The following RAB3IL1 variants were observed in gnomAD, a reference collection of about 807,000 sequenced individuals.
The protein encoded by RAB3IL1 is RAB3A interacting protein like 1.
Under a neutral mutation model 49.2 loss-of-function variants are expected in RAB3IL1, and 37 were observed. That is an observed-to-expected ratio of 0.75 (90% confidence interval 0.58 to 0.99). The LOEUF is 0.99. RAB3IL1 is among the 50% of genes least tolerant of loss of function. The probability of loss-of-function intolerance (pLI) is 0.00; values close to 1 mark genes in which losing one functional copy is unlikely to be tolerated. For synonymous variants in RAB3IL1, 193 were observed against 213.9 expected (o/e 0.90, Z 0.85); for missense variants, 484 against 513.0 (o/e 0.94, Z 0.55).
Position 61,907,614 on chromosome 11 carries a change from C to T in RAB3IL1, c.311G>A (p.Arg104Gln), listed in dbSNP as rs536709910. 114 of 1,614,116 alleles carry T rather than the reference C, an allele frequency of 7.1e-5. 2 individuals carry two copies. In the South Asian group the frequency reaches 1.0e-3, roughly 15 times the overall value. ...DEECERLSKV[R>Q]EQLEQELEEL... ...TTCCAGCTCCTGTTCTAGCTGCTCC[C>T]GCACCTTGGACAGCCGCTCACATTC... Residue 104 changes from arginine to glutamine, a missense_variant, in exon 3 of 10, where the codon CGG (arginine) becomes CAG (glutamine). Coordinates refer to ENST00000394836, the MANE Select transcript of RAB3IL1 (RefSeq NM_013401.4).
intron 1 of RAB3IL1, among the ~76,000 whole-genome samples, chr11:61,909,307 G>GCCTGTGTCCTCC (rs565673698): frequency 5.5e-4 from 84 of 152,254 alleles, no homozygotes; most frequent in African/African-American, 2.0e-3. Flanking sequence ...ACTCAGGACG[G>GCCTGTGTCCTCC]CTGAGGCAGA....
upstream of RAB3IL1, among the ~76,000 whole-genome samples, chr11:61,922,519 T>A (rs1939930799): frequency 6.6e-6 from 1 of 151,512 alleles, no homozygotes; most frequent in South Asian, 2.1e-4. Context: ...CCAAACTCCG[T>A]CTTGGAAAAA....
upstream of RAB3IL1, among the ~76,000 whole-genome samples, chr11:61,918,850 C>A (rs1393669155): frequency 5.9e-5 from 9 of 152,240 alleles, no homozygotes; most frequent in Non-Finnish European, 1.3e-4. Flanking sequence ...TTTCTAGAAT[C>A]ATTCAGCCCA....
At chr11:61,904,918 G>C in intron 5 of RAB3IL1, 36 bp from the exon 6 acceptor site, 4 of 1,497,746 alleles carry the variant, frequency 2.7e-6, no homozygotes, top group Non-Finnish European at 3.6e-6. Flanking sequence ...GGGGCGGTCA[G>C]GGTACTGGGG....
chr11:61,936,840 A>C, the RAB3IL1 span, among the ~76,000 whole-genome samples: 1 of 152,218 alleles, frequency 6.6e-6, no homozygotes, highest in African/African-American at 2.4e-5. Flanking sequence ...AGATTTCTAT[A>C]TCTGGCAAAG....
chr11:61,923,777 C>A (rs147281642), upstream of RAB3IL1, among the ~76,000 whole-genome samples: 1 of 152,164 alleles, frequency 6.6e-6, no homozygotes, highest in Non-Finnish European at 1.5e-5. Context: ...TTGGACAGCG[C>A]GGATGGAATG....
upstream of RAB3IL1, among the ~76,000 whole-genome samples, chr11:61,923,966 G>A (rs575613218): frequency 1.3e-5 from 2 of 151,970 alleles, no homozygotes; most frequent in Non-Finnish European, 2.9e-5. Context: ...CTCAGGGAAG[G>A]GCAGGACAGA....
At chr11:61,938,539 T>C in the RAB3IL1 span, among the ~76,000 whole-genome samples, 74,450 of 151,984 alleles carry the variant, frequency 0.49, 19,186 homozygotes, top group Middle Eastern at 0.61. Flanking sequence ...CAAGAAGATA[T>C]AACAATTATA....
At position 61,906,576 on chromosome 11, in the gene RAB3IL1, C is replaced by A; in HGVS notation, c.547G>T (p.Ala183Ser). 1 of 1,604,852 alleles carries A rather than the reference C, an allele frequency of 6.2e-7. No individual in the cohort carries two copies. Among genetic ancestry groups the A allele is most frequent in the Non-Finnish European group, 8.5e-7 (1 of 1,176,124 alleles). Residue 183 changes from alanine to serine, a missense_variant, in exon 5 of 10, where the codon GCC (alanine) becomes TCC (serine). Transcript: ENST00000394836. This position sits in a 1 kb window ranked among gnomAD's most constrained non-coding sequence, Gnocchi z 4.6. Reference sequence around the variant, plus strand: ...CGAGAGTGGCCCTTTCGGGGCCCGGCCTTGGTGGGGCTCAGCAGCTGGGGG... The same window carrying A: ...CGAGAGTGGCCCTTTCGGGGCCCGGACTTGGTGGGGCTCAGCAGCTGGGGG... ...LHPQLLSPTKAGPRKGHSRHK... is the reference protein window; with the variant it reads ...LHPQLLSPTKSGPRKGHSRHK...
At position 61,914,946 on chromosome 11, in the gene RAB3IL1, C is replaced by T. The variant is rs71490341; in HGVS notation, c.11+2411G>A. Among the ~76,000 whole-genome samples, 995 of 152,256 alleles carry T rather than the reference C, an allele frequency of 6.5e-3. 9 individuals carry two copies. Among genetic ancestry groups the T allele is most frequent in the Non-Finnish European group, 0.011 (736 of 68,014 alleles). Reference sequence around the variant, plus strand: ...CTGGCAAGTATGACTCTGAACAGGACACCTCCCAACTGCTGCTGGGGTCTG... The same window carrying T: ...CTGGCAAGTATGACTCTGAACAGGATACCTCCCAACTGCTGCTGGGGTCTG... On this transcript the variant is annotated intron_variant, in intron 1 of 9. Transcript: ENST00000394836.
chr11:61,929,884 C>CTTTT, the RAB3IL1 span, among the ~76,000 whole-genome samples: 82 of 66,426 alleles, frequency 1.2e-3, 3 homozygotes, highest in East Asian at 3.8e-3. Flanking sequence ...CCGCGCCCGG[C>CTTTT]TTTTTTTTTT....
At chr11:61,903,648 C>T (rs993652720) in intron 7 of RAB3IL1, among the ~76,000 whole-genome samples, 6 of 152,048 alleles carry the variant, frequency 3.9e-5, no homozygotes, top group Non-Finnish European at 8.8e-5. Context: ...CTCAGCCTCC[C>T]GAGCAGCTGA....
upstream of RAB3IL1, among the ~76,000 whole-genome samples, chr11:61,921,618 T>TCCCC (rs1939909409): frequency 1.3e-5 from 2 of 152,158 alleles, no homozygotes; most frequent in Non-Finnish European, 2.9e-5. Context: ...CCTGGAACTG[T>TCCCC]TGGACACTCC....
At chr11:61,907,293 C>A in intron 4 of RAB3IL1, 100 bp downstream of exon 4, 1 of 1,296,376 alleles carries the variant, frequency 7.7e-7, no homozygotes, top group Non-Finnish European at 1.1e-6. Flanking sequence ...CCCCACCGGG[C>A]CAGGTGAGCG....
Position 61,900,555 on chromosome 11 carries a change from G to A in RAB3IL1, c.1000-1175C>T, listed in dbSNP as rs1427420968. 2.6e-5 allele frequency among the ~76,000 whole-genome samples: 4 copies of A among 152,316 alleles called. No homozygotes were observed. The South Asian group carries it at 6.2e-4, about 24-fold the overall frequency. On this transcript the variant is annotated intron_variant, in intron 8 of 9. Transcript: ENST00000394836. ...GCACAGGGAGGGTTGAGGAGAGGCT[G>A]CGGCAGGAGGGTGGGGCAGGGCAGA...
chr11:61,907,658 C>A lies in RAB3IL1; in HGVS notation c.267G>T (p.Glu89Asp). 6.2e-7 allele frequency: 1 copy of A among 1,613,976 alleles called. No individual in the cohort carries two copies. The highest frequency in any genetic ancestry group is 1.1e-5 in the South Asian group (1 of 91,036). ...LKEELHRAQK[E>D]LKLKDEECER... ...CACATTCCTCGTCCTTTAGCTTCAG[C>A]TCCTGGAGGAAAAGAGGCAGGCACT... is the stretch of plus-strand genomic sequence containing the variant. Residue 89 changes from glutamate to aspartate, a missense_variant and splice_region_variant, in exon 3 of 10, where the codon GAG becomes GAT. Physicochemically the swap from Glu to Asp is conservative, Grantham distance 45 (BLOSUM62 2). Coordinates refer to ENST00000394836, the MANE Select transcript of RAB3IL1 (RefSeq NM_013401.4).
At chr11:61,900,948 A>C (rs2136020327) in intron 8 of RAB3IL1, among the ~76,000 whole-genome samples, 1 of 150,594 alleles carries the variant, frequency 6.6e-6, no homozygotes, top group East Asian at 2.0e-4. Flanking sequence ...ACAAATCCAC[A>C]GGGTAGGGGC....
the RAB3IL1 span, among the ~76,000 whole-genome samples, chr11:61,930,240 A>T: frequency 6.6e-6 from 1 of 152,240 alleles, no homozygotes; most frequent in African/African-American, 2.4e-5. Flanking sequence ...TAGAAAATAG[A>T]GAATGGAGGG....
the RAB3IL1 span, among the ~76,000 whole-genome samples, chr11:61,939,801 T>C: frequency 2.0e-5 from 3 of 151,812 alleles, no homozygotes; most frequent in African/African-American, 7.3e-5. Context: ...AAATAAAATA[T>C]TAAAAAATTA....
Sources: allele counts gnomAD v4.1 joint callset (sites outside exome capture counted in the v4.1 genomes callset), GRCh38; gene constraint gnomAD v4.1.1; non-coding constraint Gnocchi (gnomAD v3.1); transcripts MANE v1.5; gene names NCBI Gene and HGNC (gene_info 2026-07-23, HGNC 2026-07-21).